The following SORCS1 variants were observed in gnomAD, a reference collection of about 807,000 sequenced individuals.
SORCS1 encodes VPS10 domain-containing receptor SorCS1.
SORCS1 carries 60 observed loss-of-function variants against 146.1 expected under a neutral mutation model. That is an observed-to-expected ratio of 0.41 (90% CI 0.33 to 0.51). The LOEUF (loss-of-function observed/expected upper bound fraction) is 0.51, where lower values mean the gene tolerates loss of function less well. Among genes scored for constraint, SORCS1 ranks in the 20% least tolerant of loss-of-function variants. SORCS1 has a pLI of 0.21. For missense variants in SORCS1, 1,352 were observed against 1,487.6 expected (o/e 0.91, Z 1.50); for synonymous variants, 637 against 584.0 (o/e 1.09, Z -1.31).
intron 1 of SORCS1, among the ~76,000 whole-genome samples, chr10:107,087,821 A>G (rs537122657): frequency 1.3e-5 from 2 of 152,352 alleles, no homozygotes; most frequent in South Asian, 4.1e-4. Flanking sequence ...GTCTGCAGAA[A>G]TCTTCCCATA....
At chr10:106,948,290 A>G (rs1011393609) in intron 2 of SORCS1, among the ~76,000 whole-genome samples, 4 of 15,152 alleles carry the variant, frequency 2.6e-4, no homozygotes, top group Non-Finnish European at 3.9e-4. Flanking sequence ...AGTTTTTTGA[A>G]AAAAAAAAAA....
intron 10 of SORCS1, among the ~76,000 whole-genome samples, chr10:106,683,895 T>G (rs1852624743): frequency 6.6e-6 from 1 of 152,200 alleles, no homozygotes; most frequent in Non-Finnish European, 1.5e-5. Flanking sequence ...AACAACTGGC[T>G]GGGTATGGGG....
At chr10:106,950,548 AGCACGTAG>A (rs1314483065) in intron 2 of SORCS1, among the ~76,000 whole-genome samples, 1 of 152,204 alleles carries the variant, frequency 6.6e-6, no homozygotes, top group Non-Finnish European at 1.5e-5. Context: ...AGAATGTTAC[AGCACGTAG>A]AAAACCCTAT....
chr10:106,659,935 G>C (rs1270963093), intron 17 of SORCS1, among the ~76,000 whole-genome samples: 1 of 152,206 alleles, frequency 6.6e-6, no homozygotes, highest in African/African-American at 2.4e-5. Context: ...CAATTATTGA[G>C]TGTGTGCAGT....
At chr10:106,854,963 C>T (rs1297631889) in intron 2 of SORCS1, among the ~76,000 whole-genome samples, 2 of 152,164 alleles carry the variant, frequency 1.3e-5, no homozygotes, top group Admixed American at 6.5e-5. Flanking sequence ...TTCTGATGCT[C>T]TTCTTTTCCT....
chr10:106,651,174 A>T (rs1849832659), intron 18 of SORCS1, among the ~76,000 whole-genome samples: 1 of 152,194 alleles, frequency 6.6e-6, no homozygotes, highest in African/African-American at 2.4e-5. Context: ...AGAGATATGC[A>T]CATCGTTTGA....
At chr10:107,097,939 A>G (rs1340019001) in intron 1 of SORCS1, among the ~76,000 whole-genome samples, 1 of 152,248 alleles carries the variant, frequency 6.6e-6, no homozygotes, top group Non-Finnish European at 1.5e-5. Context: ...AATGTAATAC[A>G]GGAAAAAAAT....
intron 5 of SORCS1, among the ~76,000 whole-genome samples, chr10:106,740,039 T>G (rs1254011569): frequency 1.3e-5 from 2 of 151,852 alleles, no homozygotes; most frequent in Admixed American, 1.3e-4. Flanking sequence ...TATAAGAGAA[T>G]TCCAGAACAG....
chr10:107,138,154 A>C (rs61128949), intron 1 of SORCS1, among the ~76,000 whole-genome samples: 1 of 152,048 alleles, frequency 6.6e-6, no homozygotes, highest in East Asian at 1.9e-4. Context: ...ATTTTTTTTT[A>C]AATAAAAGAA....
intron 4 of SORCS1, 105 bp from the exon 5 acceptor site, chr10:106,761,766 C>T (rs1379781246): frequency 2.6e-5 from 24 of 938,746 alleles, no homozygotes; most frequent in Admixed American, 7.7e-5. Flanking sequence ...CCAACATTTA[C>T]TGAACACCTG....
At chr10:106,635,236 T>C (rs527520752) in intron 18 of SORCS1, among the ~76,000 whole-genome samples, 12 of 152,306 alleles carry the variant, frequency 7.9e-5, no homozygotes, top group African/African-American at 2.6e-4. Context: ...GACTCCAAGA[T>C]GTCCCTTAAG....
chr10:106,991,187 G>C (rs917003722), intron 1 of SORCS1, among the ~76,000 whole-genome samples: 1 of 152,190 alleles, frequency 6.6e-6, no homozygotes, highest in African/African-American at 2.4e-5. Context: ...AGGCCCTCGG[G>C]ATACAGGAGA....
At chr10:106,941,872 T>C (rs1954061319) in intron 2 of SORCS1, among the ~76,000 whole-genome samples, 1 of 152,210 alleles carries the variant, frequency 6.6e-6, no homozygotes, top group African/African-American at 2.4e-5. Context: ...GTGGTTAATC[T>C]GTAAGTCTTA....
Position 106,992,943 on chromosome 10 carries a change from C to G in SORCS1, c.559-36363G>C, listed in dbSNP as rs1290654366. On this transcript the variant is annotated intron_variant, in intron 1 of 25. Coordinates refer to ENST00000263054, the MANE Select transcript of SORCS1 (RefSeq NM_052918.5). ...GCCTCCCTGGTTCAAGCAACTCTCC[C>G]GCCTCAGCCTCCCTAGTAGCTGGGA... is the stretch of plus-strand genomic sequence containing the variant. Among the ~76,000 whole-genome samples, 3 of 147,178 alleles carry G rather than the reference C, an allele frequency of 2.0e-5. No homozygotes were observed. The Admixed American group carries it at 2.0e-4, about 10-fold the overall frequency.
At chr10:106,755,878 T>C (rs1858597767) in intron 5 of SORCS1, among the ~76,000 whole-genome samples, 1 of 152,084 alleles carries the variant, frequency 6.6e-6, no homozygotes, top group East Asian at 1.9e-4. Flanking sequence ...CCTGTAATCC[T>C]AGCACTTTGG....
chr10:106,648,592 T>G (rs957847883), intron 18 of SORCS1, among the ~76,000 whole-genome samples: 1 of 152,234 alleles, frequency 6.6e-6, no homozygotes, highest in South Asian at 2.1e-4. Context: ...TGTCTCTGTC[T>G]GGGTCATTTT....
intron 17 of SORCS1, among the ~76,000 whole-genome samples, chr10:106,657,013 A>C (rs1344609707): frequency 6.6e-6 from 1 of 152,222 alleles, no homozygotes; most frequent in Non-Finnish European, 1.5e-5. Context: ...AGATTAGTAC[A>C]AATTAGTACC....
chr10:107,003,971 C>T (rs995881305), intron 1 of SORCS1, among the ~76,000 whole-genome samples: 3 of 151,872 alleles, frequency 2.0e-5, no homozygotes, highest in African/African-American at 4.8e-5. Flanking sequence ...GTCAGGAGAT[C>T]GAGATCATCC....
intron 1 of SORCS1, among the ~76,000 whole-genome samples, chr10:106,969,624 T>G (rs1401158422): frequency 1.3e-5 from 2 of 152,204 alleles, no homozygotes; most frequent in Non-Finnish European, 2.9e-5. Flanking sequence ...GATCTAAAAC[T>G]TCATATTTAC....
Sources: allele counts gnomAD v4.1 joint callset (sites outside exome capture counted in the v4.1 genomes callset), GRCh38; gene constraint gnomAD v4.1.1; transcripts MANE v1.5; gene names NCBI Gene and HGNC (gene_info 2026-07-23, HGNC 2026-07-21).